Variants in CFAP141 observed in about 807,000 individuals in gnomAD.
CFAP141 encodes the protein cilia and flagella associated protein 141.
the CFAP141 span, among the ~76,000 whole-genome samples, chr1:154,199,209 G>A: frequency 2.0e-5 from 3 of 151,588 alleles, no homozygotes; most frequent in Admixed American, 1.3e-4. Context: ...ACCACAAGGC[G>A]TCACTCTTGT....
chr1:154,199,270 G>A, the CFAP141 span: 14 of 545,884 alleles, frequency 2.6e-5, no homozygotes, highest in African/African-American at 5.7e-5. Context: ...AAGGATTAAC[G>A]AGAGAGTGGA....
At chr1:154,199,340 T>A in the CFAP141 span, 1 of 827,708 alleles carries the variant, frequency 1.2e-6, no homozygotes, top group African/African-American at 1.7e-5. Context: ...CAGGTATGTT[T>A]TGGGAAGGAG....
chr1:154,204,089 C>CTTAATAAA, the CFAP141 span, among the ~76,000 whole-genome samples: 1 of 143,512 alleles, frequency 7.0e-6, no homozygotes. Context: ...GAAACTCCAT[C>CTTAATAAA]TCAATAAATA....
the CFAP141 span, chr1:154,199,483 G>A: frequency 4.3e-6 from 7 of 1,613,442 alleles, no homozygotes; most frequent in Admixed American, 1.0e-4. Context: ...TGCTGGTACT[G>A]CTGATGCTCC....
chr1:154,203,895 C>T, the CFAP141 span, among the ~76,000 whole-genome samples: 3 of 152,158 alleles, frequency 2.0e-5, no homozygotes, highest in East Asian at 1.9e-4. Context: ...GCCAACATGG[C>T]GAAACCCCAA....
chr1:154,199,479 T>C, the CFAP141 span: 1 of 1,613,492 alleles, frequency 6.2e-7, no homozygotes, highest in African/African-American at 1.3e-5. Flanking sequence ...TTCCTGCTGG[T>C]ACTGCTGATG....
At chr1:154,204,178 ATATT>A in the CFAP141 span, among the ~76,000 whole-genome samples, 1 of 152,218 alleles carries the variant, frequency 6.6e-6, no homozygotes. Flanking sequence ...CCAAGTATGT[ATATT>A]TAAGATAAAT....
chr1:154,199,124 T>A, the CFAP141 span, among the ~76,000 whole-genome samples: 1 of 152,192 alleles, frequency 6.6e-6, no homozygotes, highest in East Asian at 1.9e-4. Context: ...TTATACCAAA[T>A]CAGGATTCTC....
the CFAP141 span, chr1:154,206,159 C>G: frequency 1.0e-6 from 1 of 970,548 alleles, no homozygotes; most frequent in Admixed American, 1.7e-5. Context: ...CTGTTACTAA[C>G]TACATTATAC....
chr1:154,205,774 G>A, the CFAP141 span: 1 of 723,606 alleles, frequency 1.4e-6, no homozygotes. Flanking sequence ...GCGTGATCTC[G>A]GCTCACCGCA....
chr1:154,203,452 C>T, the CFAP141 span, among the ~76,000 whole-genome samples: 1 of 151,026 alleles, frequency 6.6e-6, no homozygotes, highest in Non-Finnish European at 1.5e-5. Flanking sequence ...TTTTTTGAGA[C>T]AGGGTCTCAT....
At chr1:154,201,389 G>GC in the CFAP141 span, among the ~76,000 whole-genome samples, 1 of 145,502 alleles carries the variant, frequency 6.9e-6, no homozygotes, top group African/African-American at 2.7e-5. Flanking sequence ...CTCAAATCCA[G>GC]CTTTTTTTTT....
chr1:154,205,755 A>G, the CFAP141 span: 5 of 898,490 alleles, frequency 5.6e-6, no homozygotes, highest in African/African-American at 8.3e-5. Context: ...CCCAGGCCAG[A>G]GTGCAGTGGC....
chr1:154,204,046 G>A, the CFAP141 span, among the ~76,000 whole-genome samples: 40 of 152,204 alleles, frequency 2.6e-4, no homozygotes, highest in East Asian at 9.7e-4. Flanking sequence ...AGCTGAGATC[G>A]TGCTACTGCA....
chr1:154,199,262 G>A, the CFAP141 span: 2 of 530,674 alleles, frequency 3.8e-6, no homozygotes, highest in African/African-American at 1.9e-5. Context: ...TAGCGGCAAA[G>A]GATTAACGAG....
the CFAP141 span, chr1:154,200,427 A>G: frequency 6.2e-7 from 1 of 1,611,888 alleles, no homozygotes; most frequent in East Asian, 2.2e-5. Flanking sequence ...GCAGTAGTGA[A>G]TGAGACTTCA....
chr1:154,203,206 T>C, the CFAP141 span, among the ~76,000 whole-genome samples: 38 of 67,684 alleles, frequency 5.6e-4, 2 homozygotes, highest in African/African-American at 1.2e-3. Context: ...TATATATATA[T>C]ATATATATAT....
At chr1:154,204,878 T>G in the CFAP141 span, among the ~76,000 whole-genome samples, 3 of 150,606 alleles carry the variant, frequency 2.0e-5, no homozygotes, top group Non-Finnish European at 4.4e-5. Flanking sequence ...AGTGTTTTTT[T>G]TTTTTTTTTT....
chr1:154,204,967 C>T, the CFAP141 span, among the ~76,000 whole-genome samples: 2 of 151,530 alleles, frequency 1.3e-5, no homozygotes, highest in Non-Finnish European at 2.9e-5. Context: ...CTGCACCCTC[C>T]GCATCCTAAG....
Sources: gnomAD v4.1 joint callset for allele counts (sites outside exome capture counted in the v4.1 genomes callset) on GRCh38, gnomAD v4.1.1 for gene constraint, MANE v1.5 for transcripts, NCBI Gene and HGNC (gene_info 2026-07-23, HGNC 2026-07-21) for gene names.